ARHGAP24: variants seen among roughly 807,000 people sequenced by gnomAD.
The protein encoded by ARHGAP24 is rho GTPase-activating protein 24.
In ARHGAP24, 50 loss-of-function variants were observed where a neutral mutation model predicts 76.4. The ratio of observed to expected loss-of-function variants is 0.65; its 90% CI spans 0.52 to 0.83. ARHGAP24 has a LOEUF of 0.83. Among genes scored for constraint, ARHGAP24 ranks in the 40% least tolerant of loss-of-function variants. The pLI, the probability that ARHGAP24 is intolerant of heterozygous loss-of-function variation, is 0.00. For missense variants in ARHGAP24, 930 were observed against 914.2 expected, an observed-to-expected ratio of 1.02 and a Z score of -0.22; for synonymous variants, 345 against 323.3, an observed-to-expected ratio of 1.07 and a Z score of -0.72.
chr4:85,852,480 C>A (rs1731292573), intron 3 of ARHGAP24, among the ~76,000 whole-genome samples: 1 of 152,190 alleles, frequency 6.6e-6, no homozygotes, highest in Non-Finnish European at 1.5e-5. Flanking sequence ...TCCATCCAGC[C>A]TTGTTCTGTT....
intron 2 of ARHGAP24, among the ~76,000 whole-genome samples, chr4:85,586,881 G>T (rs1391695361): frequency 6.6e-6 from 1 of 152,056 alleles, no homozygotes; most frequent in Admixed American, 6.6e-5. Flanking sequence ...CTGGGCAACA[G>T]AGCAAGACTC....
chr4:85,826,070 C>T (rs1729697394), intron 3 of ARHGAP24, among the ~76,000 whole-genome samples: 1 of 152,154 alleles, frequency 6.6e-6, no homozygotes, highest in Non-Finnish European at 1.5e-5. Context: ...CAGCTCCCAG[C>T]CCTGTGTGTC....
At chr4:85,887,118 A>G (rs1369063196) in intron 3 of ARHGAP24, among the ~76,000 whole-genome samples, 1 of 152,150 alleles carries the variant, frequency 6.6e-6, no homozygotes, top group Non-Finnish European at 1.5e-5. Flanking sequence ...TATCATCTAT[A>G]TGTATGAAAA....
At chr4:85,779,192 C>G (rs1727425728) in intron 3 of ARHGAP24, among the ~76,000 whole-genome samples, 1 of 152,052 alleles carries the variant, frequency 6.6e-6, no homozygotes, top group African/African-American at 2.4e-5. Flanking sequence ...ATGATTGTTG[C>G]TGTTGTTTTA....
chr4:85,930,468 C>G (rs1736265048), intron 4 of ARHGAP24: 1 of 990,696 alleles, frequency 1.0e-6, no homozygotes, highest in Non-Finnish European at 1.2e-6. Context: ...TGAAATATTC[C>G]TCAGGGGACT....
At chr4:85,750,392 A>G (rs552451014) in intron 3 of ARHGAP24, among the ~76,000 whole-genome samples, 1 of 148,186 alleles carries the variant, frequency 6.7e-6, no homozygotes, top group South Asian at 2.2e-4. Context: ...ATGACTTGTT[A>G]TCTTGCCCCA....
At chr4:85,618,877 C>T (rs545178889) in intron 2 of ARHGAP24, among the ~76,000 whole-genome samples, 6 of 151,948 alleles carry the variant, frequency 3.9e-5, no homozygotes, top group African/African-American at 7.2e-5. Context: ...TTGATATTAA[C>T]GCCTTATCAG....
rs561101418 is a variant in ARHGAP24, at chr4:85,664,993, G to A, written c.181-56892G>A. Among the ~76,000 whole-genome samples, 332 of 152,296 alleles carry A rather than the reference G, an allele frequency of 2.2e-3. 2 individuals are homozygous for A. The highest frequency in any genetic ancestry group is 3.2e-3 in the Non-Finnish European group (217 of 68,038). ...GCTGAAAAAAAACATATATTCTATTGATTTGGGTTGGAGAGTTCTGTCGAT... is the reference window on the plus strand; with the variant it reads ...GCTGAAAAAAAACATATATTCTATTAATTTGGGTTGGAGAGTTCTGTCGAT... On this transcript the variant is annotated intron_variant, in intron 2 of 9. Transcript: ENST00000395184.
intron 2 of ARHGAP24, among the ~76,000 whole-genome samples, chr4:85,666,511 C>T (rs528647214): frequency 1.1e-4 from 17 of 152,334 alleles, no homozygotes; most frequent in African/African-American, 4.1e-4. Context: ...AGTCATTCTC[C>T]GTCCAGCTTT....
intron 3 of ARHGAP24, among the ~76,000 whole-genome samples, chr4:85,854,008 G>C (rs542695496): frequency 1.3e-5 from 2 of 151,102 alleles, no homozygotes; most frequent in South Asian, 4.2e-4. Flanking sequence ...GGTGGTGCAT[G>C]CCTGTAATCT....
chr4:85,824,230 A>T (rs1213624388), intron 3 of ARHGAP24, among the ~76,000 whole-genome samples: 1 of 152,190 alleles, frequency 6.6e-6, no homozygotes. Flanking sequence ...TGCCTAAATG[A>T]CTTTCAGTGT....
intron 1 of ARHGAP24, among the ~76,000 whole-genome samples, chr4:85,546,764 G>A (rs1440488218): frequency 6.6e-6 from 1 of 152,148 alleles, no homozygotes; most frequent in Non-Finnish European, 1.5e-5. Context: ...CTTGCACTAA[G>A]CCATGTGTGT....
chr4:85,679,729 A>T (rs1723130713), intron 2 of ARHGAP24, among the ~76,000 whole-genome samples: 1 of 151,926 alleles, frequency 6.6e-6, no homozygotes, highest in African/African-American at 2.4e-5. Flanking sequence ...AAATGCTGCC[A>T]CTCGCCTTCC....
chr4:85,752,835 G>T (rs1170721026), intron 3 of ARHGAP24, among the ~76,000 whole-genome samples: 1 of 152,160 alleles, frequency 6.6e-6, no homozygotes, highest in Non-Finnish European at 1.5e-5. Flanking sequence ...GCACAAAGGA[G>T]CCCTAAATAA....
At chr4:85,584,036 A>G (rs950410966) in intron 2 of ARHGAP24, among the ~76,000 whole-genome samples, 1 of 149,186 alleles carries the variant, frequency 6.7e-6, no homozygotes, top group Non-Finnish European at 1.5e-5. Flanking sequence ...CAGTGTGGCG[A>G]TTCCTCAGGG....
chr4:85,734,358 T>C (rs1024819260), intron 3 of ARHGAP24, among the ~76,000 whole-genome samples: 2 of 119,560 alleles, frequency 1.7e-5, no homozygotes, highest in Non-Finnish European at 4.2e-5. Flanking sequence ...TTATTGTCTT[T>C]ATTTGTGTAT....
At chr4:85,553,832 A>G (rs1726245393) in intron 1 of ARHGAP24, among the ~76,000 whole-genome samples, 1 of 152,082 alleles carries the variant, frequency 6.6e-6, no homozygotes, top group Non-Finnish European at 1.5e-5. Context: ...TAATATTGGT[A>G]TGTGGAGATT....
Position 85,843,710 on chromosome 4 carries a change from A to G in ARHGAP24, c.269-79938A>G, listed in dbSNP as rs143554002. ...ATATAATTTCATCAAACTAAAGAGT[A>G]CTATGATAGTTAAGCCACCTATTTA... On this transcript the variant is annotated intron_variant, in intron 3 of 9. Transcript: ENST00000395184. 1.1e-3 allele frequency among the ~76,000 whole-genome samples: 172 copies of G among 152,258 alleles called. 1 individual carries two copies. The highest frequency in any genetic ancestry group is 1.7e-3 in the Non-Finnish European group (118 of 67,998).
At chr4:85,498,330 TTG>T in intron 1 of ARHGAP24, among the ~76,000 whole-genome samples, 1 of 152,198 alleles carries the variant, frequency 6.6e-6, no homozygotes. Context: ...CATGCTAGCT[TTG>T]TGTGTGCTTT....
Sources: allele counts gnomAD v4.1 joint callset (sites outside exome capture counted in the v4.1 genomes callset), GRCh38; gene constraint gnomAD v4.1.1; transcripts MANE v1.5; gene names NCBI Gene and HGNC (gene_info 2026-07-23, HGNC 2026-07-21).